TATDN2: variants seen among roughly 807,000 people sequenced by gnomAD.
TATDN2 encodes TatD DNase domain containing 2, also known as 3'-5' RNA nuclease TATDN2.
TATDN2 carries 44 observed loss-of-function variants against 60.3 expected under a neutral mutation model. The observed-to-expected ratio is 0.73, with a 90% confidence interval of 0.57 to 0.94. TATDN2 has a LOEUF of 0.94. Ranked by LOEUF, TATDN2 falls within the 40% of genes least tolerant of loss-of-function variation. The pLI is 0.00. For missense variants in TATDN2, 997 were observed against 948.0 expected, an observed-to-expected ratio of 1.05 and a Z score of -0.68; for synonymous variants, 399 against 355.8, an observed-to-expected ratio of 1.12 and a Z score of -1.37.
intron 5 of TATDN2, 103 bp downstream of exon 5, chr3:10,276,591 CTTTTT>C: frequency 4.5e-6 from 5 of 1,108,360 alleles, no homozygotes; most frequent in Non-Finnish European, 4.8e-6. Flanking sequence ...ACTATCTATT[CTTTTT>C]TTTTTTTTTC....
intron 4 of TATDN2, among the ~76,000 whole-genome samples, chr3:10,275,032 C>A (rs1698614503): frequency 6.9e-6 from 1 of 144,060 alleles, no homozygotes; most frequent in African/African-American, 2.6e-5. Flanking sequence ...TCTGTCCAGG[C>A]TGGAGTGCAG....
intron 4 of TATDN2, 46 bp downstream of exon 4, chr3:10,271,061 T>C (rs753974511): frequency 6.7e-7 from 1 of 1,500,922 alleles, no homozygotes; most frequent in South Asian, 1.4e-5. Flanking sequence ...ATTTTTCTTT[T>C]AGTTGTTGAA....
At chr3:10,259,614 C>A (rs576036763) in intron 2 of TATDN2, among the ~76,000 whole-genome samples, 1 of 152,238 alleles carries the variant, frequency 6.6e-6, no homozygotes, top group East Asian at 1.9e-4. Flanking sequence ...TTTCCAAAAC[C>A]AAGTTGATTA....
intron 4 of TATDN2, 72 bp from the exon 5 acceptor site, chr3:10,276,289 T>A (rs1295534653): frequency 6.4e-7 from 1 of 1,568,154 alleles, no homozygotes; most frequent in African/African-American, 1.4e-5. Context: ...CCTGCTGGAC[T>A]GGGCGTTCCA....
At chr3:10,257,678 A>G (rs964784447) in intron 2 of TATDN2, among the ~76,000 whole-genome samples, 1 of 151,188 alleles carries the variant, frequency 6.6e-6, no homozygotes, top group African/African-American at 2.4e-5. Flanking sequence ...CACGTTAGAA[A>G]ATACAGAAAG....
In TATDN2 at chr3:10,249,009, C is replaced by T. The variant is rs561032668; in HGVS notation, c.-65C>T. The T allele has an allele frequency of 1.7e-6, 1 of 582,082 alleles. No homozygotes were observed. The highest frequency in any genetic ancestry group is 2.6e-6 in the Non-Finnish European group (1 of 386,384). 36.1% of individuals were successfully genotyped at this position (582,082 alleles called of 1,614,324 possible). On this transcript the variant is annotated 5_prime_UTR_variant, in exon 1 of 8. The change creates a new upstream start codon in the 5' untranslated region. Coordinates refer to ENST00000448281, the MANE Select transcript of TATDN2 (RefSeq NM_014760.4). ...TTGGATCGCTTTGACTTCTCCAACA[C>T]GGTTTGGCATCTCTGAAACCTTGAG...
At chr3:10,273,358 T>C (rs1576015918) in intron 4 of TATDN2, among the ~76,000 whole-genome samples, 1 of 152,328 alleles carries the variant, frequency 6.6e-6, no homozygotes, top group East Asian at 1.9e-4. Context: ...GACTGGCAAC[T>C]GCACCTAGTT....
chr3:10,251,843 T>C (rs1050942693), intron 2 of TATDN2, among the ~76,000 whole-genome samples: 1 of 141,570 alleles, frequency 7.1e-6, no homozygotes, highest in African/African-American at 2.8e-5. Context: ...CACCACACCC[T>C]GCAGATTAAA....
At chr3:10,276,541 A>G in intron 5 of TATDN2, 53 bp downstream of exon 5, 1 of 1,588,246 alleles carries the variant, frequency 6.3e-7, no homozygotes, top group South Asian at 1.1e-5. Flanking sequence ...TCCTCTGTCA[A>G]GTTGATGAGG....
chr3:10,264,223 C>T (rs1328238062), intron 3 of TATDN2, among the ~76,000 whole-genome samples: 1 of 152,176 alleles, frequency 6.6e-6, no homozygotes, highest in Non-Finnish European at 1.5e-5. Context: ...AACTCCAGTT[C>T]CTCCAGTTCC....
intron 3 of TATDN2, among the ~76,000 whole-genome samples, chr3:10,269,546 A>G (rs1344352305): frequency 6.6e-6 from 1 of 152,048 alleles, no homozygotes; most frequent in African/African-American, 2.4e-5. Flanking sequence ...CCCTACCTAC[A>G]AGAAATTAGC....
rs551789775 is a variant in TATDN2 at position 10,270,821 on chromosome 3, C to T, written c.1639C>T (p.Leu547=). 6.2e-7 allele frequency: 1 copy of T among 1,614,132 alleles called. No homozygotes were observed. The highest frequency in any genetic ancestry group is 1.1e-5 in the South Asian group (1 of 91,070). ...TGATCCCCGCACCCTGACAGATTGCCTATGGGAGGAGCTGTTGAAAGAGGA... is the reference window on the plus strand; with the variant it reads ...TGATCCCCGCACCCTGACAGATTGCTTATGGGAGGAGCTGTTGAAAGAGGA... The part of the protein sequence containing the change: ...FCDPRTLTDC[L]WEELLKEDLV... Residue 547 remains leucine, a synonymous_variant, in exon 4 of 8, where the codon CTA becomes TTA. Coordinates refer to ENST00000448281, the MANE Select transcript of TATDN2 (RefSeq NM_014760.4).
chr3:10,260,015 C>A, intron 2 of TATDN2, 122 bp from the exon 3 acceptor site: 1 of 1,180,144 alleles, frequency 8.5e-7, no homozygotes, highest in Non-Finnish European at 1.2e-6. Context: ...AGAACCTTTG[C>A]CTTAGCCACA....
chr3:10,266,948 TGA>T (rs1698485573), intron 3 of TATDN2, among the ~76,000 whole-genome samples: 4 of 142,084 alleles, frequency 2.8e-5, no homozygotes, highest in Non-Finnish European at 4.6e-5. Context: ...TTTTTTTTTT[TGA>T]GACAGAGTCT....
In TATDN2 at chr3:10,249,488, CGCCTCCAAAGGCT is replaced by C. The variant is rs951927264; in HGVS notation, c.293_305del (p.Ser98Ter). The C allele has an allele frequency of 9.3e-6, 15 of 1,613,052 alleles. No homozygotes were observed. The highest frequency in any genetic ancestry group is 1.3e-5 in the Non-Finnish European group (15 of 1,179,610). On this transcript the variant is annotated frameshift_variant, in exon 2 of 8. Coordinates refer to ENST00000448281, the MANE Select transcript of TATDN2 (RefSeq NM_014760.4). LOFTEE classifies it high-confidence loss of function. ...TCTTGGGCCCTGGTGTGGGCGGGGC[CGCCTCCAAAGGCT>C]GCCTGATTCGGAACACTCGGGGGTT...
intron 5 of TATDN2, 53 bp downstream of exon 5, chr3:10,276,541 A>T (rs1698640302): frequency 1.3e-6 from 2 of 1,588,246 alleles, no homozygotes; most frequent in Admixed American, 3.4e-5. Context: ...TCCTCTGTCA[A>T]GTTGATGAGG....
At chr3:10,266,412 T>C (rs567266005) in intron 3 of TATDN2, among the ~76,000 whole-genome samples, 3 of 152,370 alleles carry the variant, frequency 2.0e-5, no homozygotes, top group South Asian at 2.1e-4. Context: ...ACGTATCTAT[T>C]TGGAGACAGC....
intron 2 of TATDN2, among the ~76,000 whole-genome samples, chr3:10,251,113 C>T (rs1698227920): frequency 6.6e-6 from 1 of 152,010 alleles, no homozygotes. Flanking sequence ...TGCAAGAACC[C>T]AATTTAATGG....
intron 3 of TATDN2, among the ~76,000 whole-genome samples, chr3:10,261,236 G>A (rs1698397762): frequency 6.6e-6 from 1 of 152,212 alleles, no homozygotes; most frequent in African/African-American, 2.4e-5. Flanking sequence ...AGGGAGTCTG[G>A]AAAATCAGCC....
Sources: allele counts gnomAD v4.1 joint callset (sites outside exome capture counted in the v4.1 genomes callset), GRCh38; gene constraint gnomAD v4.1.1; transcripts MANE v1.5; gene names NCBI Gene and HGNC (gene_info 2026-07-23, HGNC 2026-07-21).